PRKAR1A: variants seen among roughly 807,000 people sequenced by gnomAD.
PRKAR1A encodes protein kinase cAMP-dependent type I regulatory subunit alpha.
Under a neutral mutation model 52.0 loss-of-function variants are expected in PRKAR1A, and 3 were observed. The observed-to-expected ratio is 0.06, with a 90% confidence interval of 0.03 to 0.15. The LOEUF (loss-of-function observed/expected upper bound fraction) is 0.15, where lower values mean the gene tolerates loss of function less well. Ranked by LOEUF, PRKAR1A falls within the 10% of genes least tolerant of loss-of-function variation. The pLI is 1.00. For synonymous variants in PRKAR1A, 188 were observed against 168.4 expected, an observed-to-expected ratio of 1.12 and a Z score of -0.90; for missense variants, 240 against 477.4, an observed-to-expected ratio of 0.50 and a Z score of 4.63.
chr17:68,534,107 A>AT (rs1424571032), downstream of PRKAR1A, among the ~76,000 whole-genome samples: 6 of 152,244 alleles, frequency 3.9e-5, no homozygotes, highest in Admixed American at 3.3e-4. Context: ...ATGCTATGTG[A>AT]TTTTTACATA....
At chr17:68,535,734 G>A, downstream of PRKAR1A, 1 of 451,052 alleles carries the variant, frequency 2.2e-6, no homozygotes, top group Non-Finnish European at 4.4e-6. Context: ...CTGGTCTCGA[G>A]CTCCTGAGAC....
chr17:68,493,098 G>GT, the PRKAR1A span, among the ~76,000 whole-genome samples: 1 of 151,636 alleles, frequency 6.6e-6, no homozygotes, highest in African/African-American at 2.4e-5. Flanking sequence ...TAGACATGTG[G>GT]TGGGGGGGAA....
chr17:68,434,657 A>C, the PRKAR1A span: 1 of 1,611,260 alleles, frequency 6.2e-7, no homozygotes, highest in Non-Finnish European at 8.5e-7. Flanking sequence ...ACATTTCATA[A>C]CCATTAGTGG....
In PRKAR1A at chr17:68,528,855, AT is replaced by A; in HGVS notation, c.770-13del. The A allele has an allele frequency of 6.2e-7, 1 of 1,613,512 alleles. No individual in the cohort carries two copies. Among genetic ancestry groups the A allele is most frequent in the East Asian group, 2.2e-5 (1 of 44,874 alleles). On this transcript the variant is annotated splice_polypyrimidine_tract_variant and intron_variant, in intron 8 of 10. Transcript: ENST00000589228. ...CAAATAATACAGAGCAGTTATTTTG[AT>A]TCTTGTCTTTCAGAGTCTCTGGACA... is the stretch of plus-strand genomic sequence containing the variant.
upstream of PRKAR1A, among the ~76,000 whole-genome samples, chr17:68,507,668 C>T (rs559725734): frequency 3.9e-5 from 6 of 152,082 alleles, no homozygotes; most frequent in African/African-American, 1.2e-4. Flanking sequence ...AACAAACATA[C>T]ATACATCTGA....
At chr17:68,444,518 G>C in the PRKAR1A span, 1 of 1,614,000 alleles carries the variant, frequency 6.2e-7, no homozygotes, top group Non-Finnish European at 8.5e-7. Context: ...GAATATCCAG[G>C]AGGGTCTTCA....
chr17:68,419,340 C>G, the PRKAR1A span, among the ~76,000 whole-genome samples: 1 of 152,086 alleles, frequency 6.6e-6, no homozygotes, highest in Non-Finnish European at 1.5e-5. Context: ...GTGGGCAGAT[C>G]ATGAGGTTAG....
In PRKAR1A at chr17:68,532,464, C is replaced by G; in HGVS notation, c.*2015C>G. 1.9e-6 allele frequency: 2 copies of G among 1,060,602 alleles called. No homozygotes were observed. Among genetic ancestry groups the G allele is most frequent in the Non-Finnish European group, 2.3e-6 (2 of 874,854 alleles). The allele number at this position is 1,060,602 out of a possible 1,614,324, so 65.7% of individuals were successfully genotyped here. A position where few individuals can be genotyped will look rare whatever the true frequency, so the allele number is the denominator to read the frequency against. On this transcript the variant is annotated 3_prime_UTR_variant, in exon 11 of 11. Coordinates refer to ENST00000589228, the MANE Select transcript of PRKAR1A (RefSeq NM_002734.5). Reference sequence around the variant, plus strand: ...TTAATTAAAAACTTTAAAGATAAGTCTACATTAAACAATGATCACATCTAA... The same window carrying G: ...TTAATTAAAAACTTTAAAGATAAGTGTACATTAAACAATGATCACATCTAA...
chr17:68,450,974 C>T, the PRKAR1A span: 23 of 1,517,838 alleles, frequency 1.5e-5, 1 homozygote, highest in African/African-American at 1.1e-4. Context: ...GACACTGGGC[C>T]CGGCGCAGGC....
Position 68,526,895 on chromosome 17 carries a change from C to A in PRKAR1A, c.709-945C>A, listed in dbSNP as rs573618385. ...ACCCAGTTTACCTATATAACCTGCA[C>A]ATGTACCCCTGAACCTTAAACCCAC... On this transcript the variant is annotated intron_variant, in intron 7 of 10. Transcript: ENST00000589228. Among the ~76,000 whole-genome samples the A allele has an allele frequency of 1.2e-4, 19 of 152,308 alleles. No individual in the cohort carries two copies. In the South Asian group the frequency reaches 2.3e-3, roughly 18 times the overall value.
the PRKAR1A span, among the ~76,000 whole-genome samples, chr17:68,442,739 A>G: frequency 6.6e-6 from 1 of 152,216 alleles, no homozygotes; most frequent in Non-Finnish European, 1.5e-5. Context: ...CCTGATCAGA[A>G]GAGCACATGC....
chr17:68,433,389 A>T, the PRKAR1A span: 1 of 1,266,626 alleles, frequency 7.9e-7, no homozygotes, highest in Non-Finnish European at 1.1e-6. Context: ...GAAAGAAAAG[A>T]GATCATTCAT....
the PRKAR1A span, among the ~76,000 whole-genome samples, chr17:68,424,911 C>T: frequency 1.3e-5 from 2 of 152,298 alleles, no homozygotes; most frequent in African/African-American, 2.4e-5. Context: ...ACTTCCATCT[C>T]GAAATGATTT....
At position 68,523,917 on chromosome 17, in the gene PRKAR1A, C is replaced by G; in HGVS notation, c.441-99C>G. Reference sequence around the variant, plus strand: ...AGTTTTAGAGCTCTTAGTAATTGTTCACCAGATGACAGTCTGGGGTCTTTA... The same window carrying G: ...AGTTTTAGAGCTCTTAGTAATTGTTGACCAGATGACAGTCTGGGGTCTTTA... On this transcript the variant is annotated intron_variant, in intron 4 of 10. Coordinates refer to ENST00000589228, the MANE Select transcript of PRKAR1A (RefSeq NM_002734.5). 1.9e-6 allele frequency: 3 copies of G among 1,574,900 alleles called. No individual in the cohort carries two copies. The South Asian group carries it at 3.3e-5, about 17-fold the overall frequency.
the PRKAR1A span, among the ~76,000 whole-genome samples, chr17:68,477,426 T>C: frequency 6.6e-6 from 1 of 152,240 alleles, no homozygotes; most frequent in South Asian, 2.1e-4. Context: ...CTTAATGTCA[T>C]AGTCTGGAGA....
intron 11 of PRKAR1A, chr17:68,542,659 T>C: frequency 1.9e-6 from 3 of 1,539,202 alleles, no homozygotes; most frequent in Non-Finnish European, 2.7e-6. Context: ...TACGATCTAC[T>C]CAGACCCGGA....
intron 11 of PRKAR1A, chr17:68,541,563 C>T (rs2086295416): frequency 5.1e-6 from 1 of 195,780 alleles, no homozygotes; most frequent in East Asian, 1.3e-4. Flanking sequence ...GGTGCTAGGT[C>T]CTGGGGATAC....
At chr17:68,522,593 T>C (rs962280809) in intron 2 of PRKAR1A, among the ~76,000 whole-genome samples, 163 bp from the exon 3 acceptor site, 2 of 152,090 alleles carry the variant, frequency 1.3e-5, no homozygotes, top group African/African-American at 4.8e-5. Context: ...GTTTCAAGTG[T>C]TACTCTCTTT....
At chr17:68,512,965 C>T (rs1387019121) in intron 1 of PRKAR1A, 4 of 152,406 alleles carry the variant, frequency 2.6e-5, no homozygotes, top group South Asian at 2.1e-4. Flanking sequence ...GGTCCTGGCT[C>T]TTCTTGTAAG....
Sources: allele counts gnomAD v4.1 joint callset (sites outside exome capture counted in the v4.1 genomes callset), GRCh38; gene constraint gnomAD v4.1.1; transcripts MANE v1.5; gene names NCBI Gene and HGNC (gene_info 2026-07-23, HGNC 2026-07-21).